Variants in HFM1 observed in about 807,000 individuals in gnomAD.
The protein encoded by HFM1 is helicase for meiosis 1.
In HFM1, 169 loss-of-function variants were observed where a neutral mutation model predicts 192.1. That is an observed-to-expected ratio of 0.88 (90% CI 0.78 to 1.00). The LOEUF is 1.00. Ranked by LOEUF, HFM1 falls within the 50% of genes least tolerant of loss-of-function variation. The pLI is 0.00. For missense variants in HFM1, 1,661 were observed against 1,668.0 expected (o/e 1.00, Z 0.07); for synonymous variants, 525 against 537.8 (o/e 0.98, Z 0.33).
rs1408078656 is a variant in HFM1 at position 91,316,428 on chromosome 1, T to C, written c.2861A>G (p.Lys954Arg). 5 of 1,582,356 alleles carry C rather than the reference T, an allele frequency of 3.2e-6. No individual in the cohort carries two copies. The highest frequency in any genetic ancestry group is 4.3e-6 in the Non-Finnish European group (5 of 1,160,858). ...AIVNAGLTSF[K>R]KIEETDAREL... is the part of the protein sequence containing the mutation. ...CCTTGCATCTGTCTCTTCTATTTTT[T>C]TAAAGGAAGTCAAACCAGCATTTAC... The change falls in exon 26 of 39, where the codon AAA becomes AGA. Residue 954 changes from lysine to arginine, a missense_variant. Transcript: ENST00000370425.
At chr1:91,285,130 G>A (rs1424514661) in intron 30 of HFM1, among the ~76,000 whole-genome samples, 1 of 152,086 alleles carries the variant, frequency 6.6e-6, no homozygotes, top group Non-Finnish European at 1.5e-5. Flanking sequence ...ATGATTGTGA[G>A]GCCTCCCCAG....
At chr1:91,393,558 C>T (rs1388231067) in intron 4 of HFM1, among the ~76,000 whole-genome samples, 2 of 152,082 alleles carry the variant, frequency 1.3e-5, no homozygotes, top group Non-Finnish European at 1.5e-5. Flanking sequence ...CACTTAAGTC[C>T]TGTGGGATTT....
chr1:91,293,809 A>T (rs1283990645), intron 30 of HFM1, among the ~76,000 whole-genome samples: 339 of 147,328 alleles, frequency 2.3e-3, no homozygotes, highest in African/African-American at 7.8e-3. Context: ...CAAATGTCCA[A>T]CAATGATAGA....
At chr1:91,334,711 A>G (rs1654322486) in intron 20 of HFM1, among the ~76,000 whole-genome samples, 1 of 151,838 alleles carries the variant, frequency 6.6e-6, no homozygotes, top group African/African-American at 2.4e-5. Flanking sequence ...CAGGTGGATC[A>G]TGAGGTCAGG....
In HFM1 at chr1:91,316,167, G is replaced by A; in HGVS notation, c.2916C>T (p.Pro972=). 6.3e-7 allele frequency: 1 copy of A among 1,577,734 alleles called. No homozygotes were observed. Among genetic ancestry groups the A allele is most frequent in the Non-Finnish European group, 8.6e-7 (1 of 1,157,060 alleles). ...TTTCTTTTATCTGGGTTCCAAAGGG[G>A]GGATGTCTGTTTAAAATCTAAAAAT... ...RELELILNRH[P]PFGTQIKETV... is the part of the protein sequence containing the mutation. The change falls in exon 27 of 39, where the codon CCC becomes CCT. Residue 972 remains proline, a synonymous_variant. Transcript: ENST00000370425.
chr1:91,375,820 C>T, intron 11 of HFM1, 93 bp from the exon 12 acceptor site: 1 of 919,584 alleles, frequency 1.1e-6, no homozygotes, highest in Non-Finnish European at 1.7e-6. Flanking sequence ...TAAGGTCAAG[C>T]TATAAAAGTA....
intron 20 of HFM1, among the ~76,000 whole-genome samples, chr1:91,334,446 T>C (rs562388061): frequency 5.3e-5 from 8 of 152,312 alleles, no homozygotes; most frequent in Non-Finnish European, 8.8e-5. Context: ...CCTCAAATGA[T>C]ATTAAAAGAG....
intron 13 of HFM1, among the ~76,000 whole-genome samples, chr1:91,354,294 A>AT (rs932743719): frequency 2.6e-5 from 4 of 151,926 alleles, no homozygotes; most frequent in Admixed American, 2.0e-4. Flanking sequence ...GGGAAAAAAA[A>AT]GAAAGAGAAA....
At chr1:91,291,509 T>C (rs1281373771) in intron 30 of HFM1, among the ~76,000 whole-genome samples, 2 of 152,116 alleles carry the variant, frequency 1.3e-5, no homozygotes, top group African/African-American at 4.8e-5. Flanking sequence ...CAGGAAGAAG[T>C]TGAATCTCTG....
chr1:91,396,304 T>C lies in HFM1; in HGVS notation c.173A>G (p.His58Arg). Residue 58 changes from histidine to arginine, a missense_variant, in exon 3 of 39, where the codon CAT becomes CGT. His to Arg is a conservative substitution (Grantham distance 29). Transcript: ENST00000370425. The stretch of plus-strand genomic sequence containing the variant: ...ATGTGATAATTTACCTAACAGTTTA[T>C]GACTTTCTAATTCTTCCTCTAACTC... ...TQELEEELES[H>R]KLLGQEKRPK... The C allele has an allele frequency of 6.5e-7, 1 of 1,529,818 alleles. No homozygotes were observed. Among genetic ancestry groups the C allele is most frequent in the African/African-American group, 1.4e-5 (1 of 73,290 alleles). 94.8% of individuals were successfully genotyped at this position (1,529,818 alleles called of 1,614,324 possible).
intron 10 of HFM1, 87 bp downstream of exon 10, chr1:91,378,316 T>C (rs1661154768): frequency 1.6e-6 from 2 of 1,272,236 alleles, no homozygotes; most frequent in Middle Eastern, 4.1e-4. Context: ...AAAACAAACA[T>C]ATAGTTTGGT....
intron 9 of HFM1, 52 bp from the exon 10 acceptor site, chr1:91,378,532 TAA>T (rs1461784346): frequency 9.1e-7 from 1 of 1,098,136 alleles, no homozygotes; most frequent in African/African-American, 1.6e-5. Flanking sequence ...GGAATTATAA[TAA>T]ATATTAAGAT....
intron 4 of HFM1, among the ~76,000 whole-genome samples, chr1:91,391,545 C>T (rs1252177216): frequency 1.3e-5 from 2 of 152,114 alleles, no homozygotes; most frequent in East Asian, 1.9e-4. Flanking sequence ...AACTGGCTAG[C>T]CATATGTAGA....
intron 13 of HFM1, among the ~76,000 whole-genome samples, chr1:91,371,185 C>T (rs1157423045): frequency 2.0e-5 from 3 of 152,084 alleles, no homozygotes; most frequent in African/African-American, 7.2e-5. Context: ...TTTATAGATT[C>T]AATGCCATCC....
At chr1:91,367,357 T>A (rs1362278543) in intron 13 of HFM1, among the ~76,000 whole-genome samples, 1 of 152,042 alleles carries the variant, frequency 6.6e-6, no homozygotes, top group Non-Finnish European at 1.5e-5. Flanking sequence ...CACCGACCAG[T>A]AGGGGCGGAC....
intron 13 of HFM1, among the ~76,000 whole-genome samples, chr1:91,356,939 A>G (rs1253612787): frequency 1.3e-5 from 2 of 152,178 alleles, no homozygotes; most frequent in African/African-American, 4.8e-5. Flanking sequence ...CCAATAACAC[A>G]TAATGAGATT....
At chr1:91,285,678 C>G (rs1392336966) in intron 30 of HFM1, among the ~76,000 whole-genome samples, 1 of 152,168 alleles carries the variant, frequency 6.6e-6, no homozygotes, top group Non-Finnish European at 1.5e-5. Context: ...TGATTACATA[C>G]AGTAGCCCCC....
Position 91,277,071 on chromosome 1 carries a change from A to T in HFM1, c.3392-9T>A. Reference sequence around the variant, plus strand: ...TTTGCTGGCAGTCGTTCCTAAATTAATATAAGAAAAACAAATCCATTTGTC... The same window carrying T: ...TTTGCTGGCAGTCGTTCCTAAATTATTATAAGAAAAACAAATCCATTTGTC... On this transcript the variant is annotated splice_polypyrimidine_tract_variant and intron_variant, in intron 30 of 38. Coordinates refer to ENST00000370425, the MANE Select transcript of HFM1 (RefSeq NM_001017975.6). The T allele has an allele frequency of 6.6e-7, 1 of 1,510,600 alleles. No homozygotes were observed. The highest frequency in any genetic ancestry group is 9.1e-7 in the Non-Finnish European group (1 of 1,100,088). 93.6% of individuals were successfully genotyped at this position (1,510,600 alleles called of 1,614,324 possible).
chr1:91,332,591 G>T (rs1172956010), intron 20 of HFM1, among the ~76,000 whole-genome samples: 1 of 151,852 alleles, frequency 6.6e-6, no homozygotes, highest in Non-Finnish European at 1.5e-5. Flanking sequence ...AACAAAAAAT[G>T]GACAAATGGG....
Sources: allele counts gnomAD v4.1 joint callset (sites outside exome capture counted in the v4.1 genomes callset), GRCh38; gene constraint gnomAD v4.1.1; transcripts MANE v1.5; gene names NCBI Gene and HGNC (gene_info 2026-07-23, HGNC 2026-07-21).